Variants in MTM1 observed in about 807,000 individuals in gnomAD.
The protein encoded by MTM1 is myotubularin 1.
Under a neutral mutation model 52.1 loss-of-function variants are expected in MTM1, and 9 were observed. That is an observed-to-expected ratio of 0.17 (90% CI 0.10 to 0.30). The LOEUF (loss-of-function observed/expected upper bound fraction) is 0.30. MTM1 is among the 10% of genes least tolerant of loss of function. The pLI is 1.00. For synonymous variants in MTM1, 136 were observed against 163.8 expected (o/e 0.83, Z 1.29); for missense variants, 277 against 470.7 (o/e 0.59, Z 3.81).
chrX:150,612,559 G>A (rs2039303041), intron 4 of MTM1, among the ~76,000 whole-genome samples: 1 of 109,574 alleles, frequency 9.1e-6, no homozygotes, highest in South Asian at 4.0e-4. Context: ...AATTAGTTGG[G>A]CGTGGTGGCA....
chrX:150,644,625 T>C (rs1163382004), intron 8 of MTM1, among the ~76,000 whole-genome samples: 1 of 111,739 alleles, frequency 8.9e-6, no homozygotes, highest in Non-Finnish European at 1.9e-5. Flanking sequence ...TTTCGTTCTT[T>C]GTATCTGCAT....
chrX:150,611,255 CATA>C (rs1391902171), intron 4 of MTM1, among the ~76,000 whole-genome samples: 17 of 111,855 alleles, frequency 1.5e-4, no homozygotes, highest in Non-Finnish European at 1.5e-4. Context: ...TATTCTTTGC[CATA>C]ATAATAATAA....
At chrX:150,657,183 T>C (rs1473774159) in intron 10 of MTM1, among the ~76,000 whole-genome samples, 2 of 110,093 alleles carry the variant, frequency 1.8e-5, no homozygotes, top group Non-Finnish European at 3.8e-5. Flanking sequence ...CGTATGTTTA[T>C]TGCGGCACTA....
intron 4 of MTM1, among the ~76,000 whole-genome samples, chrX:150,611,793 A>G (rs1294400853): frequency 1.8e-5 from 2 of 111,868 alleles, no homozygotes; most frequent in East Asian, 5.6e-4. Context: ...GAGTCGCGCT[A>G]TCCCTCCCCT....
At chrX:150,593,642 G>C (rs1461067447) in intron 2 of MTM1, among the ~76,000 whole-genome samples, 2 of 111,803 alleles carry the variant, frequency 1.8e-5, no homozygotes, top group Non-Finnish European at 3.8e-5. Context: ...GGTATTTCTT[G>C]ATTACTAATG....
intron 1 of MTM1, among the ~76,000 whole-genome samples, chrX:150,571,888 A>G (rs1462627050): frequency 8.9e-6 from 1 of 112,133 alleles, no homozygotes; most frequent in Non-Finnish European, 1.9e-5. Context: ...CAGGAGACCC[A>G]GTAGGAGTTA....
At chrX:150,595,524 A>C (rs1383434718) in intron 2 of MTM1, among the ~76,000 whole-genome samples, 2 of 112,522 alleles carry the variant, frequency 1.8e-5, no homozygotes, top group African/African-American at 3.2e-5. Context: ...GCTCTAACGG[A>C]AGCATGAGTA....
chrX:150,652,658 T>TACAC (rs377592464), intron 10 of MTM1, among the ~76,000 whole-genome samples: 1,105 of 82,417 alleles, frequency 0.013, 11 homozygotes, highest in East Asian at 0.079. Flanking sequence ...TATATATATA[T>TACAC]ACACACACAC....
At chrX:150,625,563 C>CG (rs1413691757) in intron 6 of MTM1, among the ~76,000 whole-genome samples, 1 of 111,671 alleles carries the variant, frequency 9.0e-6, no homozygotes, top group Non-Finnish European at 1.9e-5. Flanking sequence ...GGGTGAGATA[C>CG]GGGGGGCAGT....
chrX:150,647,194 A>AATATATATATATATATATATATATATAT (rs59931479), intron 9 of MTM1, among the ~76,000 whole-genome samples: 10 of 83,840 alleles, frequency 1.2e-4, no homozygotes, highest in African/African-American at 4.6e-4. Context: ...TTTCAGGGTG[A>AATATATATATATATATATATATATATAT]ATATATATAT....
chrX:150,584,524 G>A (rs1250683570), intron 1 of MTM1, among the ~76,000 whole-genome samples: 6 of 111,146 alleles, frequency 5.4e-5, no homozygotes, highest in Non-Finnish European at 1.1e-4. Flanking sequence ...AGTTTATGAG[G>A]GTGATGCTAC....
chrX:150,660,824 AAG>A (rs1325047598), intron 13 of MTM1, among the ~76,000 whole-genome samples: 1 of 110,720 alleles, frequency 9.0e-6, no homozygotes, highest in Non-Finnish European at 1.9e-5. Context: ...AAGAGGAAGC[AAG>A]AGAGAGGGGA....
At chrX:150,642,719 A>C (rs1557413878) in intron 8 of MTM1, among the ~76,000 whole-genome samples, 2 of 111,526 alleles carry the variant, frequency 1.8e-5, no homozygotes, top group Non-Finnish European at 3.8e-5. Flanking sequence ...AGCCTGGCTC[A>C]GTTTTGTTCA....
chrX:150,600,787 G>C (rs782574806), intron 4 of MTM1, among the ~76,000 whole-genome samples: 1 of 112,022 alleles, frequency 8.9e-6, no homozygotes, highest in Non-Finnish European at 1.9e-5. Context: ...ATTATCAAAA[G>C]TTGCAATTAA....
chrX:150,601,277 G>C (rs782054451), intron 4 of MTM1, among the ~76,000 whole-genome samples: 1 of 111,419 alleles, frequency 9.0e-6, no homozygotes, highest in Non-Finnish European at 1.9e-5. Flanking sequence ...ACAACATTTA[G>C]TCCAAGTATA....
rs1557415165 is a variant in MTM1, at chrX:150,671,983, T to C, written c.*388T>C. The C allele has an allele frequency of 5.9e-6, 1 of 169,336 alleles. No individual in the cohort carries two copies. The highest frequency in any genetic ancestry group is 7.5e-5 in the Admixed American group (1 of 13,270). The allele number at this position is 169,336 out of a possible 1,213,427, so 14.0% of individuals were successfully genotyped here. A position where few individuals can be genotyped will look rare whatever the true frequency, so the allele number is the denominator to read the frequency against. ...GTGGAATGGATTTTCCTGAAGCTGC[T>C]TAACAGTTGCTTTGGATTCTCTAAG... On this transcript the variant is annotated 3_prime_UTR_variant, in exon 15 of 15. Coordinates refer to ENST00000370396, the MANE Select transcript of MTM1 (RefSeq NM_000252.3).
intron 1 of MTM1, among the ~76,000 whole-genome samples, chrX:150,584,795 C>T (rs2038753795): frequency 8.9e-6 from 1 of 111,739 alleles, no homozygotes; most frequent in Non-Finnish European, 1.9e-5. Flanking sequence ...TGCATATAAC[C>T]TTGCATATCC....
At chrX:150,657,236 A>G (rs1388631763) in intron 10 of MTM1, among the ~76,000 whole-genome samples, 4 of 111,361 alleles carry the variant, frequency 3.6e-5, no homozygotes, top group Non-Finnish European at 7.5e-5. Context: ...ATGTCCATCA[A>G]TGATAGACTG....
intron 6 of MTM1, among the ~76,000 whole-genome samples, chrX:150,623,305 C>T (rs189887962): frequency 9.0e-6 from 1 of 111,598 alleles, no homozygotes; most frequent in Non-Finnish European, 1.9e-5. Flanking sequence ...GGACCTGACC[C>T]TAACTGACCT....
Sources: gnomAD v4.1 joint callset for allele counts (sites outside exome capture counted in the v4.1 genomes callset) on GRCh38, gnomAD v4.1.1 for gene constraint, MANE v1.5 for transcripts, NCBI Gene and HGNC (gene_info 2026-07-23, HGNC 2026-07-21) for gene names.